Variants in RBBP8NL observed in about 807,000 individuals in gnomAD.
RBBP8NL encodes RBBP8 N-terminal-like protein.
A neutral mutation model predicts 62.2 loss-of-function variants in RBBP8NL; 59 were observed. That is an observed-to-expected ratio of 0.95 (90% confidence interval 0.77 to 1.18). The LOEUF (loss-of-function observed/expected upper bound fraction) is 1.18, where lower values mean the gene tolerates loss of function less well. RBBP8NL is among the 50% of genes most tolerant of loss of function. The pLI is 0.00. For missense variants in RBBP8NL, 896 were observed against 899.5 expected (o/e 1.00, Z 0.05); for synonymous variants, 412 against 394.1 (o/e 1.05, Z -0.54).
At chr20:62,426,468 C>T (rs562273711) in intron 1 of RBBP8NL, among the ~76,000 whole-genome samples, 1 of 152,358 alleles carries the variant, frequency 6.6e-6, no homozygotes, top group East Asian at 1.9e-4. Flanking sequence ...CCCACCTGGC[C>T]TTGGAGGAAG....
Position 62,415,401 on chromosome 20 carries a change from C to T in RBBP8NL, c.628-114G>A, listed in dbSNP as rs12625009. 4.4e-5 allele frequency: 62 copies of T among 1,394,456 alleles called. No individual in the cohort carries two copies. The African/African-American group carries it at 7.9e-4, about 18-fold the overall frequency. 86.4% of individuals were successfully genotyped at this position (1,394,456 alleles called of 1,614,324 possible). A position where few individuals can be genotyped will look rare whatever the true frequency, so the allele number is the denominator to read the frequency against. On this transcript the variant is annotated intron_variant, in intron 8 of 13. Transcript: ENST00000252998. The stretch of plus-strand genomic sequence containing the variant: ...GCTCCCACTCTGCCCCTGCTCACTG[C>T]TGAGCTGCACCCCCACCCACGCCAA...
At chr20:62,421,248 T>C (rs1344479753) in intron 1 of RBBP8NL, among the ~76,000 whole-genome samples, 1 of 152,034 alleles carries the variant, frequency 6.6e-6, no homozygotes, top group African/African-American at 2.4e-5. Flanking sequence ...CGAGCCAGTG[T>C]GCATGTGTGT....
At chr20:62,425,617 G>A (rs1988786988) in intron 1 of RBBP8NL, among the ~76,000 whole-genome samples, 1 of 152,252 alleles carries the variant, frequency 6.6e-6, no homozygotes, top group Non-Finnish European at 1.5e-5. Flanking sequence ...TGCTGTCTGA[G>A]CAGGAGGCAT....
chr20:62,424,250 C>T (rs537155155), intron 1 of RBBP8NL, among the ~76,000 whole-genome samples: 13 of 151,456 alleles, frequency 8.6e-5, no homozygotes, highest in Admixed American at 7.2e-4. Flanking sequence ...AAGGGGAGGG[C>T]AGGCTAGTGA....
At chr20:62,419,202 C>A (rs80270265) in intron 2 of RBBP8NL, among the ~76,000 whole-genome samples, 5,540 of 152,254 alleles carry the variant, frequency 0.036, 344 homozygotes, top group African/African-American at 0.12. Context: ...AGCAGGCCGG[C>A]CAGGGTGGGT....
chr20:62,426,390 C>T (rs977920715), intron 1 of RBBP8NL, among the ~76,000 whole-genome samples: 3 of 152,260 alleles, frequency 2.0e-5, no homozygotes, highest in African/African-American at 7.2e-5. Flanking sequence ...CTGCCCCTGT[C>T]CACCTCCTGG....
chr20:62,412,624 CT>C lies in RBBP8NL; in HGVS notation c.1875del (p.Ala626ProfsTer12). Reference protein sequence around the residue: ...KRKRASEPGDKASKKPSRGRR... With the variant: ...KRKRASEPGDXASKKPSRGRR... ...TGCACCTGCCCCATGCCAGCTGTAC[CT>C]TTGTCCCCAGGCTCCGAGGCCCGCT... On this transcript the variant is annotated frameshift_variant and splice_region_variant, in exon 13 of 14. Coordinates refer to ENST00000252998, the MANE Select transcript of RBBP8NL (RefSeq NM_080833.3). LOFTEE classifies it low-confidence loss of function (END_TRUNC). 6.2e-7 allele frequency: 1 copy of C among 1,603,648 alleles called. No individual in the cohort carries two copies.
At position 62,412,629 on chromosome 20, in the gene RBBP8NL, TCC is replaced by T; in HGVS notation, c.1869_1870del (p.Asp624GlnfsTer17). On this transcript the variant is annotated frameshift_variant, in exon 13 of 14. Coordinates refer to ENST00000252998, the MANE Select transcript of RBBP8NL (RefSeq NM_080833.3). LOFTEE classifies it low-confidence loss of function (END_TRUNC). ...CTGCCCCATGCCAGCTGTACCTTTG[TCC>T]CCAGGCTCCGAGGCCCGCTTCCTCT... 6 of 1,604,068 alleles carry T rather than the reference TCC, an allele frequency of 3.7e-6. No homozygotes were observed. Among genetic ancestry groups the T allele is most frequent in the Non-Finnish European group, 5.1e-6 (6 of 1,179,802 alleles).
chr20:62,412,061 G>A (rs1175956757), intron 13 of RBBP8NL, among the ~76,000 whole-genome samples: 1 of 152,254 alleles, frequency 6.6e-6, no homozygotes, highest in Non-Finnish European at 1.5e-5. Context: ...TCGGACCAGG[G>A]CCGAGGCTCC....
At chr20:62,416,986 T>G (rs1344172889) in intron 4 of RBBP8NL, 114 bp from the exon 5 acceptor site, 9 of 853,174 alleles carry the variant, frequency 1.1e-5, no homozygotes, top group Non-Finnish European at 1.6e-5. Flanking sequence ...AACTATTCCG[T>G]AGAGCCCCAG....
intron 1 of RBBP8NL, among the ~76,000 whole-genome samples, chr20:62,422,139 C>A (rs898848248): frequency 2.6e-5 from 4 of 152,226 alleles, no homozygotes; most frequent in Admixed American, 2.6e-4. Flanking sequence ...TTCGGGCTCG[C>A]AGCTGGAGGC....
Position 62,414,078 on chromosome 20 carries a change from C to T in RBBP8NL, c.1273G>A (p.Ala425Thr), listed in dbSNP as rs548634524. The change falls in exon 10 of 14, where the codon GCC becomes ACC. Residue 425 changes from alanine to threonine, a missense_variant. By Grantham distance (58) the Ala-to-Thr change is moderately conservative. Transcript: ENST00000252998. ...GTGGCTGCAGCCTCTGTCCTCTGGGCGCGGCCCGGGCCTGCAGGCTGTGTG... is the reference window on the plus strand; with the variant it reads ...GTGGCTGCAGCCTCTGTCCTCTGGGTGCGGCCCGGGCCTGCAGGCTGTGTG... ...RHTQPAGPGR[A>T]QRTEAAATQD... is the part of the protein sequence containing the mutation. 1.0e-5 allele frequency: 16 copies of T among 1,593,240 alleles called. No individual in the cohort carries two copies. Among genetic ancestry groups the T allele is most frequent in the South Asian group, 6.8e-5 (6 of 88,290 alleles).
chr20:62,416,117 G>A (rs778053214), intron 6 of RBBP8NL, 47 bp downstream of exon 6: 44 of 1,561,954 alleles, frequency 2.8e-5, no homozygotes, highest in Non-Finnish European at 3.7e-5. Flanking sequence ...TGCTCGGGGG[G>A]TGCTGGGGAG....
At chr20:62,421,374 CAT>C (rs377015985) in intron 1 of RBBP8NL, among the ~76,000 whole-genome samples, 3,087 of 130,252 alleles carry the variant, frequency 0.024, 84 homozygotes, top group African/African-American at 0.079. Context: ...GTGTGTGTGC[CAT>C]GTGTGTGCAC....
chr20:62,419,462 C>T (rs972868114), intron 2 of RBBP8NL, 125 bp downstream of exon 2: 14 of 1,010,964 alleles, frequency 1.4e-5, no homozygotes, highest in African/African-American at 6.5e-5. Context: ...GCCAAAAAGA[C>T]GGGGTCCATT....
intron 2 of RBBP8NL, 97 bp from the exon 3 acceptor site, chr20:62,418,562 C>A: frequency 8.3e-7 from 1 of 1,211,564 alleles, no homozygotes; most frequent in South Asian, 1.3e-5. Flanking sequence ...CAATGTGGCA[C>A]TCCTGTCCCC....
chr20:62,410,537 TGTGGGAGG>T lies in RBBP8NL; in HGVS notation c.*333_*340del. Reference sequence around the variant, plus strand: ...ACCCCTCAGGGAGCAGGTGCTGGGCTGTGGGAGGGGCCGCAGAGCATTTCCCAGGTGGG... The same window carrying T: ...ACCCCTCAGGGAGCAGGTGCTGGGCTGGCCGCAGAGCATTTCCCAGGTGGG... On this transcript the variant is annotated 3_prime_UTR_variant, in exon 14 of 14. Coordinates refer to ENST00000252998, the MANE Select transcript of RBBP8NL (RefSeq NM_080833.3). The T allele has an allele frequency of 6.2e-6, 2 of 321,266 alleles. No individual in the cohort carries two copies. The highest frequency in any genetic ancestry group is 4.8e-5 in the South Asian group (1 of 20,620). 19.9% of individuals were successfully genotyped at this position (321,266 alleles called of 1,614,324 possible).
At position 62,410,806 on chromosome 20, in the gene RBBP8NL, G is replaced by A. The variant is rs768671967; in HGVS notation, c.*72C>T. 9.9e-7 allele frequency: 1 copy of A among 1,011,074 alleles called. No individual in the cohort carries two copies. Among genetic ancestry groups the A allele is most frequent in the Non-Finnish European group, 1.5e-6 (1 of 656,204 alleles). 62.6% of individuals were successfully genotyped at this position (1,011,074 alleles called of 1,614,324 possible). On this transcript the variant is annotated 3_prime_UTR_variant, in exon 14 of 14. Coordinates refer to ENST00000252998, the MANE Select transcript of RBBP8NL (RefSeq NM_080833.3). Reference sequence around the variant, plus strand: ...CAGGGCTGCCTGCTGGTTGGATGGTGTGCCCTCTCCAGGCCCTGGTGGGCA... The same window carrying A: ...CAGGGCTGCCTGCTGGTTGGATGGTATGCCCTCTCCAGGCCCTGGTGGGCA...
At chr20:62,411,241 A>G (rs1570022) in intron 13 of RBBP8NL, among the ~76,000 whole-genome samples, 31,751 of 152,170 alleles carry the variant, frequency 0.21, 3,581 homozygotes, top group African/African-American at 0.3. Context: ...CGAACACGGC[A>G]CTGACCCCAG....
Sources: allele counts gnomAD v4.1 joint callset (sites outside exome capture counted in the v4.1 genomes callset), GRCh38; gene constraint gnomAD v4.1.1; transcripts MANE v1.5; gene names NCBI Gene and HGNC (gene_info 2026-07-23, HGNC 2026-07-21).